CEP170: variants seen among roughly 807,000 people sequenced by gnomAD.
The protein encoded by CEP170 is centrosomal protein 170.
CEP170 carries 21 observed loss-of-function variants against 151.9 expected under a neutral mutation model. That is an observed-to-expected ratio of 0.14 (90% CI 0.10 to 0.20). The LOEUF is 0.20. CEP170 is among the 10% of genes least tolerant of loss of function. The pLI is 1.00. For synonymous variants in CEP170, 356 were observed against 648.8 expected, an observed-to-expected ratio of 0.55 and a Z score of 6.86; for missense variants, 964 against 1,892.9, an observed-to-expected ratio of 0.51 and a Z score of 9.11.
Position 243,185,150 on chromosome 1 carries a change from C to G in CEP170, c.1566+629G>C, listed in dbSNP as rs1225601276. ...TAAACCATGCAACAATCCTTACACA[C>G]GCTAACCAATAATATCAAAGAATAC... On this transcript the variant is annotated intron_variant, in intron 10 of 19. Coordinates refer to ENST00000366542, the MANE Select transcript of CEP170 (RefSeq NM_014812.3). The surrounding 1 kb of genome is among the most constrained non-coding windows in gnomAD (Gnocchi z 4.9). 1.3e-5 allele frequency among the ~76,000 whole-genome samples: 2 copies of G among 152,160 alleles called. No homozygotes were observed.
chr1:243,137,427 C>A (rs991108450), intron 16 of CEP170, among the ~76,000 whole-genome samples: 6 of 152,122 alleles, frequency 3.9e-5, no homozygotes, highest in Non-Finnish European at 7.4e-5. Context: ...TATCATAAAG[C>A]CTAAGGCCTA....
At chr1:243,242,376 G>T (rs945334602) in intron 1 of CEP170, among the ~76,000 whole-genome samples, 1 of 151,942 alleles carries the variant, frequency 6.6e-6, no homozygotes, top group Non-Finnish European at 1.5e-5. Context: ...CCGCCACCAC[G>T]CCCGGCTAAT....
At chr1:243,145,207 C>T (rs1290642795) in intron 14 of CEP170, among the ~76,000 whole-genome samples, 1 of 152,178 alleles carries the variant, frequency 6.6e-6, no homozygotes, top group African/African-American at 2.4e-5. Context: ...ATAGTAGAAA[C>T]AAACTATCAG....
At chr1:243,244,542 AG>A (rs149352729) in intron 1 of CEP170, among the ~76,000 whole-genome samples, 9,002 of 152,238 alleles carry the variant, frequency 0.059, 877 homozygotes, top group African/African-American at 0.2. Context: ...CAGGAACTTG[AG>A]ACCGGCCTGG....
rs753017936 is a variant in CEP170 at position 243,166,123 on chromosome 1, A to T, written c.1844-7T>A. On this transcript the variant is annotated splice_polypyrimidine_tract_variant and splice_region_variant and intron_variant, in intron 12 of 19. Transcript: ENST00000366542. ...GACTCACTGATCTCTGTCTCTATGA[A>T]ATAAAAACCACAAAGAAGGAATTGA... 4.3e-6 allele frequency: 7 copies of T among 1,612,386 alleles called. No individual in the cohort carries two copies. In the Admixed American group the frequency reaches 1.2e-4, roughly 27 times the overall value.
intron 10 of CEP170, among the ~76,000 whole-genome samples, chr1:243,177,639 T>C (rs2059340525): frequency 6.6e-6 from 1 of 152,216 alleles, no homozygotes; most frequent in Non-Finnish European, 1.5e-5. Context: ...TTATGCAGAA[T>C]TCTAGCCACT....
intron 10 of CEP170, among the ~76,000 whole-genome samples, chr1:243,174,837 AC>A (rs770746758): frequency 6.6e-6 from 1 of 152,080 alleles, no homozygotes; most frequent in Non-Finnish European, 1.5e-5. Context: ...TCTACCTTTA[AC>A]CCCCACTTGT....
chr1:243,168,136 C>A (rs1038295352), intron 12 of CEP170, among the ~76,000 whole-genome samples: 1 of 151,702 alleles, frequency 6.6e-6, no homozygotes, highest in African/African-American at 2.4e-5. Context: ...ACAGTTTATA[C>A]GAACCAAATG....
intron 13 of CEP170, chr1:243,156,805 T>G (rs977886141): frequency 1.1e-5 from 2 of 174,828 alleles, no homozygotes; most frequent in Admixed American, 6.3e-5. Context: ...ATTTCTTACT[T>G]GAGTGAAAAT....
intron 13 of CEP170, among the ~76,000 whole-genome samples, chr1:243,162,949 G>T (rs2058178489): frequency 6.6e-6 from 1 of 152,186 alleles, no homozygotes; most frequent in Admixed American, 6.5e-5. Flanking sequence ...GTGTGGAAAT[G>T]AGGACTGGGG....
rs181341935 is a variant in CEP170, at chr1:243,222,134, A to T, written c.106-321T>A. Among the ~76,000 whole-genome samples, 258 of 152,360 alleles carry T rather than the reference A, an allele frequency of 1.7e-3. 2 individuals carry two copies. The highest frequency in any genetic ancestry group is 1.7e-3 in the Non-Finnish European group (119 of 68,038). Reference sequence around the variant, plus strand: ...AAAACTGTTATAGAGAAATCATGTGAATTATAATTTTACCATGTTTTACAT... The same window carrying T: ...AAAACTGTTATAGAGAAATCATGTGTATTATAATTTTACCATGTTTTACAT... On this transcript the variant is annotated intron_variant, in intron 2 of 19. Coordinates refer to ENST00000366542, the MANE Select transcript of CEP170 (RefSeq NM_014812.3).
chr1:243,187,542 C>T (rs1002454481), intron 8 of CEP170, among the ~76,000 whole-genome samples: 3 of 152,136 alleles, frequency 2.0e-5, no homozygotes, highest in Non-Finnish European at 2.9e-5. Context: ...TCTAATGCTT[C>T]CAGGACTAAA....
At position 243,143,885 on chromosome 1, in the gene CEP170, A is replaced by G. The variant is rs866350838; in HGVS notation, c.3912-1422T>C. Among the ~76,000 whole-genome samples, 3 of 152,276 alleles carry G rather than the reference A, an allele frequency of 2.0e-5. 1 individual carries two copies. The highest frequency in any genetic ancestry group is 4.1e-4 in the South Asian group (2 of 4,826). ...AAGTAACATTTTTTAAACTTATGCA[A>G]AATGTGAGTTTGAAAGACTTTCAAG... is the stretch of plus-strand genomic sequence containing the variant. On this transcript the variant is annotated intron_variant, in intron 14 of 19. Transcript: ENST00000366542.
At chr1:243,171,140 T>TACCA (rs1194918427) in intron 11 of CEP170, among the ~76,000 whole-genome samples, 1 of 152,326 alleles carries the variant, frequency 6.6e-6, no homozygotes, top group East Asian at 1.9e-4. Context: ...AATTCACATT[T>TACCA]ACCAAAACCA....
Position 243,186,440 on chromosome 1 carries a change from A to G in CEP170, c.1109-18T>C. 1.3e-6 allele frequency: 2 copies of G among 1,579,368 alleles called. No individual in the cohort carries two copies. The highest frequency in any genetic ancestry group is 1.7e-6 in the Non-Finnish European group (2 of 1,167,470). On this transcript the variant is annotated intron_variant, in intron 8 of 19. Coordinates refer to ENST00000366542, the MANE Select transcript of CEP170 (RefSeq NM_014812.3). ...TTTATTTCCTGGATACAAAAAGAAA[A>G]CACACAATAGAGAAGGAAAAAGTCC...
chr1:243,221,619 C>T (rs1258836349), intron 3 of CEP170, 105 bp downstream of exon 3: 1 of 1,166,578 alleles, frequency 8.6e-7, no homozygotes, highest in South Asian at 1.6e-5. Flanking sequence ...AAATAACATA[C>T]AAAGTAAAGA....
At chr1:243,246,068 G>A (rs2065362812) in intron 1 of CEP170, among the ~76,000 whole-genome samples, 1 of 152,114 alleles carries the variant, frequency 6.6e-6, no homozygotes, top group Non-Finnish European at 1.5e-5. Context: ...GATATAAACT[G>A]GAGGGGGTAA....
rs1426580519 is a variant in CEP170 at position 243,191,370 on chromosome 1, T to C, written c.756A>G (p.Ser252=). ...CATGAATAGTGCTTTCTGTTATTTG[T>C]GATGGTTGCTGGAATTCTTTTGTAG... is the stretch of plus-strand genomic sequence containing the variant. ...EIPTKEFQQP[S]QITESTIHEI... The change falls in exon 8 of 20, where the codon TCA becomes TCG. Residue 252 remains serine, a synonymous_variant. Coordinates refer to ENST00000366542, the MANE Select transcript of CEP170 (RefSeq NM_014812.3). 2.5e-6 allele frequency: 4 copies of C among 1,604,730 alleles called. No individual in the cohort carries two copies. In the South Asian group the frequency reaches 3.3e-5, roughly 13 times the overall value.
intron 4 of CEP170, among the ~76,000 whole-genome samples, chr1:243,209,116 A>AT (rs1308616414): frequency 6.6e-6 from 1 of 152,230 alleles, no homozygotes; most frequent in Non-Finnish European, 1.5e-5. Context: ...AAAAAGACTT[A>AT]TGTTGCCTAA....
Sources: allele counts gnomAD v4.1 joint callset (sites outside exome capture counted in the v4.1 genomes callset), GRCh38; gene constraint gnomAD v4.1.1; non-coding constraint Gnocchi (gnomAD v3.1); transcripts MANE v1.5; gene names NCBI Gene and HGNC (gene_info 2026-07-23, HGNC 2026-07-21).